The following ECE1 variants were observed in gnomAD, a reference collection of about 807,000 sequenced individuals.
ECE1 encodes the protein endothelin-converting enzyme 1.
Under a neutral mutation model 98.6 loss-of-function variants are expected in ECE1, and 35 were observed. That is an observed-to-expected ratio of 0.35 (90% CI 0.27 to 0.47). ECE1 has a LOEUF of 0.47. ECE1 is among the 20% of genes least tolerant of loss of function. The pLI, the probability that ECE1 is intolerant of heterozygous loss-of-function variation, is 1.00. For missense variants in ECE1, 814 were observed against 1,025.3 expected (o/e 0.79, Z 2.81); for synonymous variants, 394 against 407.1 (o/e 0.97, Z 0.39).
chr1:21,249,276 G>A (rs1296054265), intron 8 of ECE1, among the ~76,000 whole-genome samples: 1 of 151,800 alleles, frequency 6.6e-6, no homozygotes, highest in African/African-American at 2.4e-5. Context: ...CAGGGAGGCA[G>A]AGGTTACAGT....
At chr1:21,272,612 T>C in intron 4 of ECE1, 87 bp downstream of exon 4, 4 of 1,530,858 alleles carry the variant, frequency 2.6e-6, no homozygotes, top group Non-Finnish European at 3.6e-6. Context: ...AGCTCCTCCT[T>C]TAAGCAGGCG....
rs1433147810 is a variant in ECE1 at position 21,258,004 on chromosome 1, G to C, written c.763-414C>G. Among the ~76,000 whole-genome samples, 1 of 152,236 alleles carries C rather than the reference G, an allele frequency of 6.6e-6. No individual in the cohort carries two copies. The highest frequency in any genetic ancestry group is 2.4e-5 in the African/African-American group (1 of 41,466). On this transcript the variant is annotated intron_variant, in intron 6 of 18. Transcript: ENST00000374893. The surrounding 1 kb of genome is among the most constrained non-coding windows in gnomAD (Gnocchi z 4.2). ...TAGGGAAAATAAAACCTAACCTTCA[G>C]AGCTAGAATGGGGATTCAAGAAGAC...
At chr1:21,290,537 C>G, upstream of ECE1, 2 of 1,192,692 alleles carry the variant, frequency 1.7e-6, no homozygotes, top group African/African-American at 3.2e-5. The surrounding 1 kb of genome is among the most constrained non-coding windows in gnomAD (Gnocchi z 7.3). Context: ...TCCCAACCTC[C>G]GGCCTCCCGG....
Position 21,290,077 on chromosome 1 carries a change from C to T in ECE1, c.131G>A (p.Gly44Asp), listed in dbSNP as rs1289068792. 8.6e-6 allele frequency: 13 copies of T among 1,519,690 alleles called. No homozygotes were observed. The highest frequency in any genetic ancestry group is 1.1e-5 in the Non-Finnish European group (13 of 1,131,234). 94.1% of individuals were successfully genotyped at this position (1,519,690 alleles called of 1,614,324 possible). A position where few individuals can be genotyped will look rare whatever the true frequency, so the allele number is the denominator to read the frequency against. Reference protein sequence around the residue: ...SLSEGDAYPNGLQVNFHSPRS... With the variant: ...SLSEGDAYPNDLQVNFHSPRS... The stretch of plus-strand genomic sequence containing the variant: ...GGAGCGGAGGGCGCCTACCTGCAGG[C>T]CGTTGGGGTATGCGTCGCCCTCGGA... The change falls in exon 2 of 19, where the codon GGC (glycine) becomes GAC (aspartate). Residue 44 changes from glycine to aspartate, a missense_variant. Coordinates refer to ENST00000374893, the MANE Select transcript of ECE1 (RefSeq NM_001397.3). The surrounding 1 kb of genome is among the most constrained non-coding windows in gnomAD (Gnocchi z 7.3).
At chr1:21,290,718 C>A (rs2098265846), upstream of ECE1, among the ~76,000 whole-genome samples, 1 of 152,190 alleles carries the variant, frequency 6.6e-6, no homozygotes. The surrounding 1 kb of genome is among the most constrained non-coding windows in gnomAD (Gnocchi z 7.3). Flanking sequence ...TCCCCAGTGG[C>A]AGATAACAAA....
In ECE1 at chr1:21,218,220, T is replaced by C. The variant is rs2098163156; in HGVS notation, c.*1735A>G. On this transcript the variant is annotated 3_prime_UTR_variant, in exon 19 of 19. Coordinates refer to ENST00000374893, the MANE Select transcript of ECE1 (RefSeq NM_001397.3). This position sits in a 1 kb window ranked among gnomAD's most constrained non-coding sequence, Gnocchi z 4.0. ...AAAGCATCCATCTAGCTGCAAGTAC[T>C]ATCTTGATTCAACCCAGGGGCCGAC... 6.6e-6 allele frequency: 1 copy of C among 152,266 alleles called. No homozygotes were observed. Among genetic ancestry groups the C allele is most frequent in the Non-Finnish European group, 1.5e-5 (1 of 68,100 alleles). The allele number at this position is 152,266 out of a possible 1,614,324, so 9.4% of individuals were successfully genotyped here.
At chr1:21,236,929 C>T in intron 11 of ECE1, 85 bp from the exon 12 acceptor site, 1 of 1,275,556 alleles carries the variant, frequency 7.8e-7, no homozygotes. Context: ...ACAATGATGG[C>T]CAGAGATTAA....
intron 1 of ECE1, among the ~76,000 whole-genome samples, chr1:21,344,573 C>A (rs760359740): frequency 3.0e-4 from 43 of 141,838 alleles, no homozygotes; most frequent in Non-Finnish European, 5.2e-4. Flanking sequence ...CTCCCAACAG[C>A]CCCCCCCCAG....
chr1:21,341,140 T>A (rs900944607), intron 1 of ECE1, among the ~76,000 whole-genome samples: 1 of 151,778 alleles, frequency 6.6e-6, no homozygotes, highest in Non-Finnish European at 1.5e-5. Flanking sequence ...AGGTTCCCGG[T>A]CCAATCCCAC....
At chr1:21,313,895 G>A (rs534109748) in intron 1 of ECE1, among the ~76,000 whole-genome samples, 3 of 152,166 alleles carry the variant, frequency 2.0e-5, no homozygotes, top group African/African-American at 4.8e-5. Flanking sequence ...CCCGGCTCAC[G>A]GAGAACGGGT....
chr1:21,281,864 T>C (rs2098254944), intron 2 of ECE1, among the ~76,000 whole-genome samples: 1 of 152,148 alleles, frequency 6.6e-6, no homozygotes, highest in Non-Finnish European at 1.5e-5. Flanking sequence ...GCCCGGCTAA[T>C]TTTTGTATTT....
At chr1:21,263,587 C>T (rs189717321) in intron 4 of ECE1, among the ~76,000 whole-genome samples, 3 of 152,070 alleles carry the variant, frequency 2.0e-5, no homozygotes, top group African/African-American at 7.2e-5. Context: ...AATCTCTTGA[C>T]GTGTGATCTG....
chr1:21,262,842 C>A (rs753196407), intron 4 of ECE1, among the ~76,000 whole-genome samples: 1 of 152,238 alleles, frequency 6.6e-6, no homozygotes, highest in Non-Finnish European at 1.5e-5. Flanking sequence ...CTGGGTGCCA[C>A]GCTCACTTGC....
In ECE1 at chr1:21,256,064, C is replaced by T. The variant is rs1217841530; in HGVS notation, c.903G>A (p.Arg301=). The T allele has an allele frequency of 6.2e-6, 10 of 1,611,760 alleles. No homozygotes were observed. In the East Asian group the frequency reaches 2.2e-4, roughly 36 times the overall value. ...AGTCCAAGATCTGCTGCATCTGGGGCCGGATGGCCTCCTCGTCCCCGCCGC... is the reference window on the plus strand; with the variant it reads ...AGTCCAAGATCTGCTGCATCTGGGGTCGGATGGCCTCCTCGTCCCCGCCGC... ...LLGGGDEEAI[R]PQMQQILDFE... The change falls in exon 8 of 19, where the codon CGG becomes CGA. Residue 301 remains arginine, a synonymous_variant. Transcript: ENST00000374893.
intron 2 of ECE1, among the ~76,000 whole-genome samples, chr1:21,280,893 A>G (rs1400737262): frequency 1.3e-5 from 2 of 152,230 alleles, no homozygotes; most frequent in African/African-American, 4.8e-5. Context: ...CTGGGTTCCA[A>G]AACTGAGAAA....
At chr1:21,249,710 T>C (rs1198438172) in intron 8 of ECE1, among the ~76,000 whole-genome samples, 7 of 152,110 alleles carry the variant, frequency 4.6e-5, no homozygotes, top group African/African-American at 1.7e-4. Context: ...TTCAGGGGCA[T>C]TCAGTCCATT....
At chr1:21,228,582 T>TC (rs2098177484) in intron 14 of ECE1, among the ~76,000 whole-genome samples, 1 of 151,764 alleles carries the variant, frequency 6.6e-6, no homozygotes, top group Non-Finnish European at 1.5e-5. Context: ...GGCCAGGAGT[T>TC]CAAGACCAGC....
At chr1:21,286,519 C>T (rs1025716520) in intron 2 of ECE1, among the ~76,000 whole-genome samples, 11 of 152,170 alleles carry the variant, frequency 7.2e-5, no homozygotes, top group Admixed American at 6.5e-4. Flanking sequence ...GGTCTCACAG[C>T]GCAGGAGAGA....
At chr1:21,304,815 A>G (rs1203499104) in intron 1 of ECE1, among the ~76,000 whole-genome samples, 1 of 151,236 alleles carries the variant, frequency 6.6e-6, no homozygotes, top group African/African-American at 2.4e-5. Context: ...CCTTATTAAG[A>G]AAAAAAAATG....
Sources: gnomAD v4.1 joint callset for allele counts (sites outside exome capture counted in the v4.1 genomes callset) on GRCh38, gnomAD v4.1.1 for gene constraint, Gnocchi (gnomAD v3.1) non-coding constraint, MANE v1.5 for transcripts, NCBI Gene and HGNC (gene_info 2026-07-23, HGNC 2026-07-21) for gene names.